DSCAML1: variants seen among roughly 807,000 people sequenced by gnomAD.
DSCAML1 encodes the protein DS cell adhesion molecule like 1, also known as cell adhesion molecule DSCAML1.
In DSCAML1, 38 loss-of-function variants were observed where a neutral mutation model predicts 200.5. That is an observed-to-expected ratio of 0.19 (90% CI 0.15 to 0.25). The LOEUF (loss-of-function observed/expected upper bound fraction) is 0.25. Among genes scored for constraint, DSCAML1 ranks in the 10% least tolerant of loss-of-function variants. The pLI, the probability that DSCAML1 is intolerant of heterozygous loss-of-function variation, is 1.00. For missense variants in DSCAML1, 2,223 were observed against 2,858.8 expected (o/e 0.78, Z 5.07); for synonymous variants, 1,215 against 1,165.0 (o/e 1.04, Z -0.87).
At chr11:117,691,647 C>T (rs533630185) in intron 3 of DSCAML1, among the ~76,000 whole-genome samples, 2 of 152,274 alleles carry the variant, frequency 1.3e-5, no homozygotes, top group East Asian at 1.9e-4. Context: ...CCCTGCTCGG[C>T]GTTTAATCTT....
chr11:117,542,845 A>G (rs2050298142), intron 3 of DSCAML1, among the ~76,000 whole-genome samples: 1 of 152,180 alleles, frequency 6.6e-6, no homozygotes, highest in South Asian at 2.1e-4. Context: ...TGAGTGGAAG[A>G]GCCTGGACTC....
intron 3 of DSCAML1, chr11:117,612,037 G>C (rs1009244261): frequency 1.1e-4 from 17 of 152,070 alleles, no homozygotes; most frequent in African/African-American, 3.6e-4. Flanking sequence ...CACACACACA[G>C]GGTGTGACGT....
At chr11:117,807,970 T>A (rs1311801256) in intron 1 of DSCAML1, among the ~76,000 whole-genome samples, 1 of 152,158 alleles carries the variant, frequency 6.6e-6, no homozygotes, top group Non-Finnish European at 1.5e-5. Flanking sequence ...TACAGGTGCA[T>A]GCCACCACAC....
intron 11 of DSCAML1, among the ~76,000 whole-genome samples, chr11:117,484,060 C>T (rs985504572): frequency 2.7e-5 from 4 of 150,270 alleles, no homozygotes; most frequent in African/African-American, 7.3e-5. Context: ...GCCCCGGCAC[C>T]GTGTCTCTGC....
intron 3 of DSCAML1, among the ~76,000 whole-genome samples, chr11:117,584,918 G>A (rs939457772): frequency 6.6e-6 from 1 of 152,192 alleles, no homozygotes; most frequent in Non-Finnish European, 1.5e-5. Flanking sequence ...TACAAGGAAA[G>A]TACTCAGAAT....
At chr11:117,772,911 AT>A in intron 3 of DSCAML1, among the ~76,000 whole-genome samples, 1 of 152,284 alleles carries the variant, frequency 6.6e-6, no homozygotes, top group South Asian at 2.1e-4. Context: ...CTTTACACAC[AT>A]CTTTAAACAG....
intron 2 of DSCAML1, among the ~76,000 whole-genome samples, chr11:117,779,938 G>A (rs2055201503): frequency 6.6e-6 from 1 of 151,848 alleles, no homozygotes; most frequent in African/African-American, 2.4e-5. Flanking sequence ...CCTCACTGCG[G>A]GTTTTCTATA....
At chr11:117,549,234 G>A (rs1024465614) in intron 3 of DSCAML1, among the ~76,000 whole-genome samples, 1 of 152,220 alleles carries the variant, frequency 6.6e-6, no homozygotes, top group African/African-American at 2.4e-5. Flanking sequence ...AAGGCCAGGA[G>A]CAGCAGGTGG....
chr11:117,583,890 C>G (rs1390509287), intron 3 of DSCAML1, among the ~76,000 whole-genome samples: 2 of 152,342 alleles, frequency 1.3e-5, no homozygotes, highest in African/African-American at 4.8e-5. Flanking sequence ...TTGCTCTTCT[C>G]CAGAAATTTG....
chr11:117,622,623 G>A (rs1040394877), intron 3 of DSCAML1, among the ~76,000 whole-genome samples: 6 of 152,150 alleles, frequency 3.9e-5, no homozygotes, highest in Non-Finnish European at 7.3e-5. Context: ...GTTGTTTCTA[G>A]TTTATGTCTG....
intron 3 of DSCAML1, among the ~76,000 whole-genome samples, chr11:117,537,721 C>G (rs181149807): frequency 6.6e-6 from 1 of 152,198 alleles, no homozygotes; most frequent in African/African-American, 2.4e-5. Context: ...GACACAGACA[C>G]GCACCCAGGG....
intron 11 of DSCAML1, among the ~76,000 whole-genome samples, chr11:117,497,661 G>A (rs2049317060): frequency 1.3e-5 from 2 of 152,238 alleles, no homozygotes; most frequent in East Asian, 1.9e-4. Context: ...GTGGGGGTGG[G>A]CACTGGGCCC....
chr11:117,465,168 C>T lies in DSCAML1; in HGVS notation c.3039G>A (p.Glu1013=). The part of the protein sequence containing the change: ...IQVTWKAPKK[E]LQNGVIRGYQ... ...AGCCCCGGATGACACCGTTCTGCAG[C>T]TCCTTCTTGGGTGCCTGTGAGCATG... The change falls in exon 17 of 33, where the codon GAG becomes GAA. Residue 1013 remains glutamate, a synonymous_variant. Coordinates refer to ENST00000651296, the MANE Select transcript of DSCAML1 (RefSeq NM_020693.4). 1 of 1,613,788 alleles carries T rather than the reference C, an allele frequency of 6.2e-7. No homozygotes were observed. The highest frequency in any genetic ancestry group is 1.7e-4 in the Middle Eastern group (1 of 6,060).
chr11:117,582,039 T>G (rs779811490), intron 3 of DSCAML1, among the ~76,000 whole-genome samples: 14 of 152,134 alleles, frequency 9.2e-5, no homozygotes, highest in Admixed American at 2.6e-4. Flanking sequence ...GATCATCGGA[T>G]GCGCATTCTC....
chr11:117,444,908 A>C (rs1175868272), intron 20 of DSCAML1, among the ~76,000 whole-genome samples: 1 of 152,110 alleles, frequency 6.6e-6, no homozygotes, highest in African/African-American at 2.4e-5. Context: ...GGTCAGCCGC[A>C]GGGAAGGGAG....
At chr11:117,613,206 C>T (rs1375824850) in intron 3 of DSCAML1, among the ~76,000 whole-genome samples, 4 of 152,030 alleles carry the variant, frequency 2.6e-5, no homozygotes, top group African/African-American at 7.3e-5. Flanking sequence ...TCTGTGACTC[C>T]AAACAAACAG....
chr11:117,655,457 G>A (rs2052715118), intron 3 of DSCAML1, among the ~76,000 whole-genome samples: 1 of 152,228 alleles, frequency 6.6e-6, no homozygotes, highest in Non-Finnish European at 1.5e-5. Context: ...CAGAAACTCA[G>A]AGAGGTTAAG....
chr11:117,721,268 C>T (rs2054036639), intron 3 of DSCAML1, among the ~76,000 whole-genome samples: 1 of 152,232 alleles, frequency 6.6e-6, no homozygotes. Flanking sequence ...CTAGAAAGAA[C>T]TTCTTCTCAA....
At chr11:117,655,514 T>C (rs765437423) in intron 3 of DSCAML1, among the ~76,000 whole-genome samples, 2 of 152,172 alleles carry the variant, frequency 1.3e-5, no homozygotes, top group Non-Finnish European at 2.9e-5. Context: ...AGACAGGATT[T>C]AAAATGAGGC....
Sources: gnomAD v4.1 joint callset for allele counts (sites outside exome capture counted in the v4.1 genomes callset) on GRCh38, gnomAD v4.1.1 for gene constraint, MANE v1.5 for transcripts, NCBI Gene and HGNC (gene_info 2026-07-23, HGNC 2026-07-21) for gene names.